RPS6KA2: variants seen among roughly 807,000 people sequenced by gnomAD.
The protein encoded by RPS6KA2 is ribosomal protein S6 kinase A2, also known as ribosomal protein S6 kinase alpha-2.
RPS6KA2 carries 42 observed loss-of-function variants against 91.8 expected under a neutral mutation model. The observed-to-expected ratio is 0.46, with a 90% CI of 0.36 to 0.59. RPS6KA2 has a LOEUF of 0.59. Ranked by LOEUF, RPS6KA2 falls within the 20% of genes least tolerant of loss-of-function variation. The probability of loss-of-function intolerance (pLI) is 0.00; values close to 1 mark genes in which losing one functional copy is unlikely to be tolerated. For synonymous variants in RPS6KA2, 414 were observed against 393.6 expected, an observed-to-expected ratio of 1.05 and a Z score of -0.61; for missense variants, 798 against 978.5, an observed-to-expected ratio of 0.82 and a Z score of 2.46.
rs114747034 is a variant in RPS6KA2, at chr6:166,842,149, C to G, written c.123+16051G>C. 8.8e-3 allele frequency among the ~76,000 whole-genome samples: 1,338 copies of G among 152,322 alleles called. 23 individuals carry two copies. The highest frequency in any genetic ancestry group is 0.031 in the African/African-American group (1,270 of 41,558). On this transcript the variant is annotated intron_variant, in intron 2 of 21. Transcript: ENST00000503859. ...GTTCTCTCGCAAAGACTCTGAGACC[C>G]TGACCCACAACGCCAACCGAACGGG...
At chr6:166,479,373 A>C (rs1380966916) in intron 10 of RPS6KA2, among the ~76,000 whole-genome samples, 2 of 152,240 alleles carry the variant, frequency 1.3e-5, no homozygotes, top group East Asian at 3.8e-4. Flanking sequence ...GATGCTGGGG[A>C]CAGGCGGTGG....
chr6:166,854,140 A>T (rs1327932229), intron 2 of RPS6KA2, among the ~76,000 whole-genome samples: 1 of 151,992 alleles, frequency 6.6e-6, no homozygotes, highest in Non-Finnish European at 1.5e-5. Context: ...TATGACACAA[A>T]CTCCCCCACA....
At position 166,451,240 on chromosome 6, in the gene RPS6KA2, G is replaced by T. The variant is rs1779904855; in HGVS notation, c.1076-7C>A. Reference sequence around the variant, plus strand: ...GGGGGGACGCCAGGAGAGTCTGTAGGTGACAGGGGCAGAGTTCAGATGCCA... The same window carrying T: ...GGGGGGACGCCAGGAGAGTCTGTAGTTGACAGGGGCAGAGTTCAGATGCCA... On this transcript the variant is annotated splice_region_variant and splice_polypyrimidine_tract_variant and intron_variant, in intron 12 of 20. Transcript: ENST00000265678. The T allele has an allele frequency of 6.2e-7, 1 of 1,613,788 alleles. No individual in the cohort carries two copies. Among genetic ancestry groups the T allele is most frequent in the African/African-American group, 1.3e-5 (1 of 75,004 alleles).
At chr6:166,812,025 C>G (rs1779649769) in intron 2 of RPS6KA2, among the ~76,000 whole-genome samples, 1 of 152,160 alleles carries the variant, frequency 6.6e-6, no homozygotes, top group African/African-American at 2.4e-5. Flanking sequence ...CTTGTGAAAC[C>G]TGGCTGTCAT....
chr6:166,861,758 A>C (rs1781051928), intron 1 of RPS6KA2, among the ~76,000 whole-genome samples: 1 of 152,250 alleles, frequency 6.6e-6, no homozygotes, highest in Non-Finnish European at 1.5e-5. Flanking sequence ...CCACTTGTTG[A>C]AGGAAAATCA....
At chr6:166,454,122 G>A (rs1181453057) in intron 12 of RPS6KA2, among the ~76,000 whole-genome samples, 1 of 152,118 alleles carries the variant, frequency 6.6e-6, no homozygotes. Flanking sequence ...TCAGGTGATG[G>A]TTACACTAAA....
At position 166,856,107 on chromosome 6, in the gene RPS6KA2, A is replaced by G. The variant is rs1471663909; in HGVS notation, c.123+2093T>C. 1.3e-5 allele frequency among the ~76,000 whole-genome samples: 2 copies of G among 152,098 alleles called. 1 individual carries two copies. The highest frequency in any genetic ancestry group is 2.9e-5 in the Non-Finnish European group (2 of 68,018). On this transcript the variant is annotated intron_variant, in intron 2 of 21. Coordinates refer to the RPS6KA2 transcript ENST00000503859. Reference sequence around the variant, plus strand: ...ATAAACACTGTTGATGAATTAAAGGATTTTCTGTTAGTTGTATACATGCAC... The same window carrying G: ...ATAAACACTGTTGATGAATTAAAGGGTTTTCTGTTAGTTGTATACATGCAC...
At chr6:166,829,085 A>G (rs545272955) in intron 2 of RPS6KA2, among the ~76,000 whole-genome samples, 1 of 152,356 alleles carries the variant, frequency 6.6e-6, no homozygotes, top group African/African-American at 2.4e-5. Flanking sequence ...CACACGGAGA[A>G]ACGCTCAACA....
At position 166,614,968 on chromosome 6, in the gene RPS6KA2, G is replaced by C. The variant is rs970859886; in HGVS notation, c.99+11953C>G. ...GGAACAGCTCCAGGTTCCAGGCTTA[G>C]GCTGTGGCTTTCTCGAGGAGACATT... On this transcript the variant is annotated intron_variant, in intron 1 of 20. Transcript: ENST00000265678. Among the ~76,000 whole-genome samples the C allele has an allele frequency of 4.6e-5, 7 of 152,260 alleles. No homozygotes were observed. The South Asian group carries it at 1.0e-3, about 23-fold the overall frequency.
In RPS6KA2 at chr6:166,476,211, G is replaced by A. The variant is rs368260288; in HGVS notation, c.908-6306C>T. 1.6e-4 allele frequency among the ~76,000 whole-genome samples: 24 copies of A among 152,318 alleles called. 1 individual carries two copies. The highest frequency in any genetic ancestry group is 5.5e-4 in the African/African-American group (23 of 41,574). ...TTCACAGCCAGGGGTGTCAAGGCTG[G>A]CCAGCAAAGCCCCGGGGTCTAGGAG... is the stretch of plus-strand genomic sequence containing the variant. On this transcript the variant is annotated intron_variant, in intron 10 of 20. Transcript: ENST00000265678.
intron 1 of RPS6KA2, among the ~76,000 whole-genome samples, chr6:166,599,499 C>T (rs1785654238): frequency 6.6e-6 from 1 of 152,182 alleles, no homozygotes; most frequent in African/African-American, 2.4e-5. Flanking sequence ...GAAGGCAGTT[C>T]TGAGGGCACC....
rs9459713 is a variant in RPS6KA2, at chr6:166,682,882, G to A, written c.124-144098C>T. 5.6e-3 allele frequency among the ~76,000 whole-genome samples: 858 copies of A among 152,284 alleles called. 8 individuals carry two copies. Among genetic ancestry groups the A allele is most frequent in the African/African-American group, 0.02 (816 of 41,554 alleles). On this transcript the variant is annotated intron_variant, in intron 2 of 21. Transcript: ENST00000503859. Reference sequence around the variant, plus strand: ...TTCCCCTTCTCTGTTTCTTCTCAAAGGCCAGGTGATCATGTGGGTTCCAGC... The same window carrying A: ...TTCCCCTTCTCTGTTTCTTCTCAAAAGCCAGGTGATCATGTGGGTTCCAGC...
intron 3 of RPS6KA2, among the ~76,000 whole-genome samples, chr6:166,516,857 A>AG (rs1416534531): frequency 1.3e-5 from 2 of 152,210 alleles, no homozygotes; most frequent in Non-Finnish European, 2.9e-5. Flanking sequence ...GGCAGAGAAA[A>AG]GGGGGGTTCC....
chr6:166,453,774 C>T lies in RPS6KA2; in HGVS notation c.1076-2541G>A, dbSNP rs7746382. On this transcript the variant is annotated intron_variant, in intron 12 of 20. Coordinates refer to ENST00000265678, the MANE Select transcript of RPS6KA2 (RefSeq NM_021135.6). ...TGGAAGCTTACTGCAGCACTATTCA[C>T]AATTGCAAAGTCATGGAATCAACCT... 4.1e-3 allele frequency among the ~76,000 whole-genome samples: 628 copies of T among 152,326 alleles called. 7 individuals carry two copies. Among genetic ancestry groups the T allele is most frequent in the African/African-American group, 0.014 (598 of 41,584 alleles).
chr6:166,501,983 G>C (rs760177894), intron 6 of RPS6KA2, among the ~76,000 whole-genome samples: 3 of 152,210 alleles, frequency 2.0e-5, no homozygotes, highest in Non-Finnish European at 4.4e-5. Flanking sequence ...GGTATTATAT[G>C]ATTTTACAAA....
intron 2 of RPS6KA2, among the ~76,000 whole-genome samples, chr6:166,826,774 T>C (rs1780058430): frequency 6.6e-6 from 1 of 152,196 alleles, no homozygotes; most frequent in African/African-American, 2.4e-5. Context: ...GTACTAGATT[T>C]AGTATAGGGC....
rs182252258 is a variant in RPS6KA2, at chr6:166,528,025, A to G, written c.298+3207T>C. Among the ~76,000 whole-genome samples, 235 of 152,202 alleles carry G rather than the reference A, an allele frequency of 1.5e-3. 1 individual carries two copies. The highest frequency in any genetic ancestry group is 2.9e-3 in the Admixed American group (45 of 15,296). Reference sequence around the variant, plus strand: ...GTGCTGCCATGAACATTCCTGTGCTAGTTTCTGTGTAGACAGCTGTGTTCA... The same window carrying G: ...GTGCTGCCATGAACATTCCTGTGCTGGTTTCTGTGTAGACAGCTGTGTTCA... On this transcript the variant is annotated intron_variant, in intron 3 of 20. Transcript: ENST00000265678.
intron 2 of RPS6KA2, among the ~76,000 whole-genome samples, chr6:166,766,233 A>G (rs1346844908): frequency 6.6e-6 from 1 of 152,248 alleles, no homozygotes; most frequent in East Asian, 1.9e-4. Context: ...TACTAAACCC[A>G]AGATATATTG....
chr6:166,447,270 T>C (rs1038204017), intron 14 of RPS6KA2, among the ~76,000 whole-genome samples: 5 of 152,188 alleles, frequency 3.3e-5, no homozygotes, highest in Non-Finnish European at 7.3e-5. Context: ...CAATTACAGT[T>C]CCAGGAACTG....
Sources: allele counts gnomAD v4.1 joint callset (sites outside exome capture counted in the v4.1 genomes callset), GRCh38; gene constraint gnomAD v4.1.1; transcripts MANE v1.5; gene names NCBI Gene and HGNC (gene_info 2026-07-23, HGNC 2026-07-21).